ADAM10: variants seen among roughly 807,000 people sequenced by gnomAD.
ADAM10 encodes the protein disintegrin and metalloproteinase domain-containing protein 10.
ADAM10 carries 17 observed loss-of-function variants against 90.1 expected under a neutral mutation model. The observed-to-expected ratio is 0.19, with a 90% CI of 0.13 to 0.28. The LOEUF (loss-of-function observed/expected upper bound fraction) is 0.28, where lower values mean the gene tolerates loss of function less well. ADAM10 is among the 10% of genes least tolerant of loss of function. ADAM10 has a pLI of 1.00. For missense variants in ADAM10, 610 were observed against 914.3 expected (o/e 0.67, Z 4.29); for synonymous variants, 310 against 298.6 (o/e 1.04, Z -0.40).
At chr15:58,640,989 T>A in intron 7 of ADAM10, 29 bp from the exon 8 acceptor site, 1 of 1,582,664 alleles carries the variant, frequency 6.3e-7, no homozygotes, top group Non-Finnish European at 8.7e-7. Context: ...ATTTAGTAAG[T>A]AATTAATGTT....
intron 10 of ADAM10, among the ~76,000 whole-genome samples, chr15:58,624,190 G>A (rs1200921742): frequency 6.6e-6 from 1 of 151,926 alleles, no homozygotes. Flanking sequence ...GGAGGCTGAG[G>A]CATGAGAATC....
chr15:58,724,961 C>T (rs145591794), intron 1 of ADAM10, among the ~76,000 whole-genome samples: 2 of 152,158 alleles, frequency 1.3e-5, no homozygotes, highest in South Asian at 2.1e-4. Context: ...GAGGCCAAGG[C>T]GGGTGGATTG....
intron 2 of ADAM10, among the ~76,000 whole-genome samples, chr15:58,695,327 C>T (rs1399375559): frequency 2.0e-5 from 3 of 152,204 alleles, no homozygotes; most frequent in African/African-American, 7.2e-5. Context: ...CCTGAACAAA[C>T]AAGTATCCTG....
intron 4 of ADAM10, among the ~76,000 whole-genome samples, chr15:58,667,716 C>T (rs1897109404): frequency 6.6e-6 from 1 of 151,520 alleles, no homozygotes; most frequent in South Asian, 2.1e-4. Flanking sequence ...AAGTTGCCTA[C>T]ATCAACAAGG....
chr15:58,723,467 C>G (rs1898924557), intron 1 of ADAM10, among the ~76,000 whole-genome samples: 1 of 151,972 alleles, frequency 6.6e-6, no homozygotes, highest in Non-Finnish European at 1.5e-5. Flanking sequence ...GGTAGATCAC[C>G]TGAGGTCAGG....
intron 9 of ADAM10, 139 bp from the exon 10 acceptor site, chr15:58,628,022 A>G (rs1895996151): frequency 1.2e-6 from 1 of 856,758 alleles, no homozygotes. Context: ...CAATTGTTTT[A>G]CACCTTGAGT....
intron 5 of ADAM10, among the ~76,000 whole-genome samples, chr15:58,652,101 T>G (rs376086230): frequency 6.6e-6 from 1 of 152,170 alleles, no homozygotes; most frequent in Non-Finnish European, 1.5e-5. Context: ...AGATTAGATT[T>G]TTTTCTATAG....
intron 2 of ADAM10, among the ~76,000 whole-genome samples, chr15:58,687,761 C>T (rs777234327): frequency 5.9e-5 from 9 of 152,120 alleles, no homozygotes; most frequent in Non-Finnish European, 1.2e-4. Flanking sequence ...ACAATTTGTA[C>T]AAACTTCAAA....
At chr15:58,720,275 G>T (rs568474449) in intron 1 of ADAM10, among the ~76,000 whole-genome samples, 1 of 152,290 alleles carries the variant, frequency 6.6e-6, no homozygotes, top group African/African-American at 2.4e-5. Context: ...CCCAAGAGAG[G>T]TGAGAAGAAT....
chr15:58,718,452 G>A (rs1898736450), intron 1 of ADAM10, among the ~76,000 whole-genome samples: 1 of 103,588 alleles, frequency 9.7e-6, no homozygotes, highest in African/African-American at 3.7e-5. Flanking sequence ...TACTATCTTT[G>A]TCAAGTTTTG....
At chr15:58,702,458 T>C (rs191082037) in intron 2 of ADAM10, among the ~76,000 whole-genome samples, 6 of 152,262 alleles carry the variant, frequency 3.9e-5, no homozygotes, top group Admixed American at 3.9e-4. Context: ...AAAAGAGGAC[T>C]TGAAATGTTC....
intron 1 of ADAM10, chr15:58,748,675 T>C (rs1899872954): frequency 2.8e-6 from 1 of 360,166 alleles, no homozygotes; most frequent in Admixed American, 4.7e-5. Flanking sequence ...GGGACCGAAC[T>C]TCTACTCTAA....
chr15:58,602,786 C>T (rs1448345210), intron 14 of ADAM10, among the ~76,000 whole-genome samples: 2 of 152,022 alleles, frequency 1.3e-5, no homozygotes, highest in Non-Finnish European at 2.9e-5. Context: ...GTTTATTGTT[C>T]AATCTGTAAA....
intron 5 of ADAM10, among the ~76,000 whole-genome samples, chr15:58,647,246 G>C (rs1416369527): frequency 5.4e-5 from 2 of 36,828 alleles, no homozygotes; most frequent in South Asian, 1.7e-3. Flanking sequence ...TAGACACTAA[G>C]TATTTTTTTT....
intron 14 of ADAM10, among the ~76,000 whole-genome samples, chr15:58,607,619 T>G (rs868574246): frequency 3.9e-5 from 6 of 152,320 alleles, no homozygotes; most frequent in Middle Eastern, 3.4e-3. Flanking sequence ...CATAAAATTA[T>G]AGCAAAATAT....
At chr15:58,700,417 C>T (rs548104015) in intron 2 of ADAM10, among the ~76,000 whole-genome samples, 11 of 152,056 alleles carry the variant, frequency 7.2e-5, no homozygotes, top group South Asian at 4.2e-4. Context: ...CTAGAAACCA[C>T]GAACAAGAAC....
At chr15:58,616,645 C>T (rs973257986) in intron 11 of ADAM10, among the ~76,000 whole-genome samples, 7 of 152,002 alleles carry the variant, frequency 4.6e-5, no homozygotes, top group Non-Finnish European at 7.4e-5. Context: ...AATATTAAGA[C>T]GGAAGTTTAT....
chr15:58,740,395 C>T (rs556302579), intron 1 of ADAM10, among the ~76,000 whole-genome samples: 4 of 145,630 alleles, frequency 2.7e-5, no homozygotes, highest in Non-Finnish European at 3.0e-5. Flanking sequence ...GGCATCAGCG[C>T]GAGACTCTGT....
chr15:58,709,155 A>G (rs1898394518), intron 2 of ADAM10, among the ~76,000 whole-genome samples: 1 of 152,192 alleles, frequency 6.6e-6, no homozygotes. Flanking sequence ...TAAACATTAA[A>G]AGAACCTTTA....
Sources: allele counts gnomAD v4.1 joint callset (sites outside exome capture counted in the v4.1 genomes callset), GRCh38; gene constraint gnomAD v4.1.1; transcripts MANE v1.5; gene names NCBI Gene and HGNC (gene_info 2026-07-23, HGNC 2026-07-21).